Variants in INPP4A observed in about 807,000 individuals in gnomAD.
The protein encoded by INPP4A is inositol polyphosphate-4-phosphatase, type I, 107kD.
INPP4A carries 33 observed loss-of-function variants against 119.8 expected under a neutral mutation model. The ratio of observed to expected loss-of-function variants is 0.28; its 90% confidence interval spans 0.21 to 0.37. The LOEUF (loss-of-function observed/expected upper bound fraction) is 0.37. Ranked by LOEUF, INPP4A falls within the 10% of genes least tolerant of loss-of-function variation. The pLI, the probability that INPP4A is intolerant of heterozygous loss-of-function variation, is 1.00. For missense variants in INPP4A, 956 were observed against 1,289.9 expected (o/e 0.74, Z 3.97); for synonymous variants, 496 against 500.7 (o/e 0.99, Z 0.12).
Position 98,543,932 on chromosome 2 carries a change from C to T in INPP4A, c.874C>T (p.Arg292Cys), listed in dbSNP as rs1262643000. Residue 292 changes from arginine to cysteine, a missense_variant, in exon 11 of 25, where the codon CGC becomes TGC. Physicochemically the swap from Arg to Cys is radical, Grantham distance 180. Around this residue, in one of 2 missense-constraint regions of INPP4A, gnomAD observed 652 missense variants for 797.9 expected, o/e 0.82. Coordinates refer to ENST00000409851, the MANE Select transcript of INPP4A (RefSeq NM_001134225.2). ...GTCCCCTTGCTGGGAGAGCCTCCGG[C>T]GCCAAATTGTCACCCAGTACCAGAC... The part of the protein sequence containing the change: ...ELSPCWESLR[R>C]QIVTQYQTII... The T allele has an allele frequency of 3.7e-6, 6 of 1,608,788 alleles. No individual in the cohort carries two copies. Among genetic ancestry groups the T allele is most frequent in the East Asian group, 2.2e-5 (1 of 44,734 alleles).
rs775826752 is a variant in INPP4A, at chr2:98,555,822, C to A, written c.1822+14C>A. 6.5e-7 allele frequency: 1 copy of A among 1,542,280 alleles called. No individual in the cohort carries two copies. The highest frequency in any genetic ancestry group is 2.0e-5 in the Admixed American group (1 of 50,830). Reference sequence around the variant, plus strand: ...ATCTGACCACACGTGCGTATGCATCCATGCTTCCCATATGCTGCCTCCATT... The same window carrying A: ...ATCTGACCACACGTGCGTATGCATCAATGCTTCCCATATGCTGCCTCCATT... On this transcript the variant is annotated intron_variant, in intron 16 of 24. Coordinates refer to ENST00000409851, the MANE Select transcript of INPP4A (RefSeq NM_001134225.2).
At chr2:98,472,035 CAA>C (rs1676133735) in intron 1 of INPP4A, among the ~76,000 whole-genome samples, 1 of 152,190 alleles carries the variant, frequency 6.6e-6, no homozygotes, top group African/African-American at 2.4e-5. Context: ...GTGTAGGAAT[CAA>C]GAGTTTCAGC....
chr2:98,511,751 C>G (rs890478029), intron 1 of INPP4A, among the ~76,000 whole-genome samples: 1 of 152,192 alleles, frequency 6.6e-6, no homozygotes, highest in Non-Finnish European at 1.5e-5. Context: ...AGATGGGACC[C>G]TGTGGAAGGT....
At chr2:98,448,353 CAAAAAA>C (rs571844955) in intron 1 of INPP4A, among the ~76,000 whole-genome samples, 2 of 99,750 alleles carry the variant, frequency 2.0e-5, no homozygotes, top group East Asian at 6.3e-4. Flanking sequence ...GAGACTGTCT[CAAAAAA>C]AAAAAAAAAA....
intron 23 of INPP4A, among the ~76,000 whole-genome samples, chr2:98,573,534 C>A (rs1697862039): frequency 6.6e-6 from 1 of 152,168 alleles, no homozygotes; most frequent in African/African-American, 2.4e-5. Context: ...ATTCCCGCTC[C>A]CTGCCTGGGC....
intron 4 of INPP4A, 126 bp from the exon 5 acceptor site, chr2:98,533,251 G>A (rs953604497): frequency 1.5e-5 from 9 of 618,640 alleles, no homozygotes; most frequent in Non-Finnish European, 2.3e-5. Context: ...GACAACTGAC[G>A]ATGTGATCGT....
chr2:98,589,795 C>T lies in INPP4A; in HGVS notation c.*2187C>T, dbSNP rs1700268295. 5.4e-6 allele frequency: 1 copy of T among 185,998 alleles called. No homozygotes were observed. The highest frequency in any genetic ancestry group is 2.3e-5 in the African/African-American group (1 of 42,584). 11.5% of individuals were successfully genotyped at this position (185,998 alleles called of 1,614,324 possible). On this transcript the variant is annotated 3_prime_UTR_variant, in exon 25 of 25. Coordinates refer to ENST00000409851, the MANE Select transcript of INPP4A (RefSeq NM_001134225.2). ...GCAGGGAAGGCAGTTTTACAGGTTACCGTAAAACAGAGGTTCCGTCCAGTG... is the reference window on the plus strand; with the variant it reads ...GCAGGGAAGGCAGTTTTACAGGTTATCGTAAAACAGAGGTTCCGTCCAGTG...
intron 1 of INPP4A, among the ~76,000 whole-genome samples, chr2:98,460,193 G>T (rs933815462): frequency 5.3e-5 from 8 of 151,940 alleles, no homozygotes; most frequent in Non-Finnish European, 1.2e-4. Context: ...TGCAAGTGTG[G>T]TATTATAGGT....
At chr2:98,558,880 A>G (rs1161846808) in intron 16 of INPP4A, among the ~76,000 whole-genome samples, 1 of 152,252 alleles carries the variant, frequency 6.6e-6, no homozygotes, top group African/African-American at 2.4e-5. Flanking sequence ...GACTACCCCT[A>G]AATCACAAAA....
intron 10 of INPP4A, among the ~76,000 whole-genome samples, 158 bp downstream of exon 10, chr2:98,539,833 G>T (rs6734569): frequency 0.23 from 34,738 of 152,168 alleles, 4,473 homozygotes; most frequent in Non-Finnish European, 0.3. Flanking sequence ...CTAAGCCTCA[G>T]TTTGCTCATT....
intron 1 of INPP4A, among the ~76,000 whole-genome samples, chr2:98,503,079 G>T (rs1352358729): frequency 5.3e-5 from 8 of 152,148 alleles, no homozygotes; most frequent in Non-Finnish European, 8.8e-5. Context: ...GCCTGTTCAT[G>T]TGGTGGTGGG....
At chr2:98,459,273 G>T (rs952764679) in intron 1 of INPP4A, among the ~76,000 whole-genome samples, 4 of 152,130 alleles carry the variant, frequency 2.6e-5, no homozygotes, top group African/African-American at 9.7e-5. Context: ...CTGGTTTCCC[G>T]CCCACTCCTC....
chr2:98,459,623 A>G (rs941184316), intron 1 of INPP4A, among the ~76,000 whole-genome samples: 1 of 152,212 alleles, frequency 6.6e-6, no homozygotes, highest in Non-Finnish European at 1.5e-5. Flanking sequence ...TTCTCTATGG[A>G]CACACCCTGC....
At chr2:98,531,061 C>T (rs1169213328) in intron 4 of INPP4A, among the ~76,000 whole-genome samples, 2 of 152,206 alleles carry the variant, frequency 1.3e-5, no homozygotes, top group African/African-American at 4.8e-5. Flanking sequence ...CTTTTAAAGG[C>T]ACTAATCCCA....
intron 1 of INPP4A, among the ~76,000 whole-genome samples, chr2:98,474,301 T>C (rs1430987656): frequency 6.6e-6 from 1 of 152,210 alleles, no homozygotes; most frequent in African/African-American, 2.4e-5. Flanking sequence ...CAGTGCTTGG[T>C]GAGGCCCAAG....
chr2:98,577,456 G>T (rs1240805742), intron 24 of INPP4A, among the ~76,000 whole-genome samples: 1 of 152,286 alleles, frequency 6.6e-6, no homozygotes, highest in Non-Finnish European at 1.5e-5. Flanking sequence ...ATGACATGCA[G>T]TGCCCTGTTG....
At chr2:98,448,355 A>C (rs1450830693) in intron 1 of INPP4A, among the ~76,000 whole-genome samples, 1 of 74,634 alleles carries the variant, frequency 1.3e-5, no homozygotes, top group Admixed American at 1.4e-4. Flanking sequence ...GACTGTCTCA[A>C]AAAAAAAAAA....
At chr2:98,517,307 T>C (rs187871212) in intron 1 of INPP4A, among the ~76,000 whole-genome samples, 1 of 152,356 alleles carries the variant, frequency 6.6e-6, no homozygotes, top group African/African-American at 2.4e-5. Flanking sequence ...CTGTGAATGT[T>C]GCTGTTCTAA....
chr2:98,455,687 T>C (rs980972058), intron 1 of INPP4A, among the ~76,000 whole-genome samples: 1 of 152,238 alleles, frequency 6.6e-6, no homozygotes, highest in African/African-American at 2.4e-5. Context: ...CTTGATTTAG[T>C]TGGCATTGGA....
Sources: allele counts gnomAD v4.1 joint callset (sites outside exome capture counted in the v4.1 genomes callset), GRCh38; gene constraint gnomAD v4.1.1; regional missense constraint gnomAD v4.1.1; transcripts MANE v1.5; gene names NCBI Gene and HGNC (gene_info 2026-07-23, HGNC 2026-07-21).